TGFB3: variants seen among roughly 807,000 people sequenced by gnomAD.
TGFB3 encodes transforming growth factor beta-3 proprotein.
TGFB3 carries 5 observed loss-of-function variants against 40.1 expected under a neutral mutation model. The ratio of observed to expected loss-of-function variants is 0.12; its 90% CI spans 0.07 to 0.26. The LOEUF (loss-of-function observed/expected upper bound fraction) is 0.26. Ranked by LOEUF, TGFB3 falls within the 10% of genes least tolerant of loss-of-function variation. The pLI is 1.00. For synonymous variants in TGFB3, 184 were observed against 205.6 expected, an observed-to-expected ratio of 0.89 and a Z score of 0.90; for missense variants, 373 against 530.1, an observed-to-expected ratio of 0.70 and a Z score of 2.91.
Position 75,980,138 on chromosome 14 carries a change from CTG to C in TGFB3, c.352+402_352+403del, listed in dbSNP as rs1015218126. Among the ~76,000 whole-genome samples the C allele has an allele frequency of 3.3e-5, 5 of 152,238 alleles. No individual in the cohort carries two copies. The highest frequency in any genetic ancestry group is 9.6e-5 in the African/African-American group (4 of 41,460). ...GCAGGGAGAAGATGAGGTCTCCACA[CTG>C]AGAACCGTAAGGGCTCCTGACAGAG... On this transcript the variant is annotated intron_variant, in intron 1 of 6. Transcript: ENST00000238682. This position sits in a 1 kb window ranked among gnomAD's most constrained non-coding sequence, Gnocchi z 4.3.
rs925224125 is a variant in TGFB3, at chr14:75,971,607, C to T, written c.464G>A (p.Arg155Gln). 3.7e-6 allele frequency: 6 copies of T among 1,614,190 alleles called. No individual in the cohort carries two copies. The highest frequency in any genetic ancestry group is 1.7e-5 in the Admixed American group (1 of 60,024). ...CCGCTTAGAGCTGGGGTTGGGCACCCGCAAGACCCGGAATTCTGCTCGGAA... is the reference window on the plus strand; with the variant it reads ...CCGCTTAGAGCTGGGGTTGGGCACCTGCAAGACCCGGAATTCTGCTCGGAA... ...NLFRAEFRVLRVPNPSSKRNE... is the reference protein window; with the variant it reads ...NLFRAEFRVLQVPNPSSKRNE... The change falls in exon 2 of 7, where the codon CGG becomes CAG. Residue 155 changes from arginine to glutamine, a missense_variant. By Grantham distance (43) the Arg-to-Gln change is conservative. Coordinates refer to ENST00000238682, the MANE Select transcript of TGFB3 (RefSeq NM_003239.5). This position sits in a 1 kb window ranked among gnomAD's most constrained non-coding sequence, Gnocchi z 4.5.
intron 1 of TGFB3, among the ~76,000 whole-genome samples, chr14:75,974,462 G>C (rs774194102): frequency 5.9e-5 from 9 of 152,248 alleles, no homozygotes; most frequent in African/African-American, 1.7e-4. Flanking sequence ...AGAAATGGCT[G>C]TCTAGAGGGT....
intron 4 of TGFB3, among the ~76,000 whole-genome samples, chr14:75,965,123 A>G (rs2035206276): frequency 1.3e-5 from 2 of 152,240 alleles, no homozygotes; most frequent in African/African-American, 4.8e-5. Context: ...GGGCAAGGTC[A>G]GGTAGGCCCT....
intron 3 of TGFB3, chr14:75,966,325 A>G (rs2035221208): frequency 6.0e-6 from 1 of 166,676 alleles, no homozygotes; most frequent in Non-Finnish European, 1.3e-5. Context: ...AGATGCAAGC[A>G]TTTCTACCAG....
rs2035421498 is a variant in TGFB3 at position 75,980,897 on chromosome 14, T to C, written c.-4A>G. 6.2e-7 allele frequency: 1 copy of C among 1,613,642 alleles called. No homozygotes were observed. Among genetic ancestry groups the C allele is most frequent in the African/African-American group, 1.3e-5 (1 of 74,864 alleles). On this transcript the variant is annotated 5_prime_UTR_variant, in exon 1 of 7. Transcript: ENST00000238682. The surrounding 1 kb of genome is among the most constrained non-coding windows in gnomAD (Gnocchi z 4.3). ...CCCTTTGCAAGTGCATCTTCATGTG[T>C]GAGCTGGGAAGAGAGGCCAGGGGGA...
rs2035397924 is a variant in TGFB3, at chr14:75,979,673, G to A, written c.352+869C>T. On this transcript the variant is annotated intron_variant, in intron 1 of 6. Coordinates refer to ENST00000238682, the MANE Select transcript of TGFB3 (RefSeq NM_003239.5). The surrounding 1 kb of genome is among the most constrained non-coding windows in gnomAD (Gnocchi z 4.8). ...CTCCTCCATGCAGACAGAGCCTCCT[G>A]GGACGGCAGGCTCCCAGACATATCC... Among the ~76,000 whole-genome samples the A allele has an allele frequency of 6.6e-6, 1 of 151,820 alleles. No individual in the cohort carries two copies. Among genetic ancestry groups the A allele is most frequent in the South Asian group, 2.1e-4 (1 of 4,814 alleles).
chr14:75,965,366 G>A (rs1595340325), intron 4 of TGFB3, among the ~76,000 whole-genome samples: 1 of 152,214 alleles, frequency 6.6e-6, no homozygotes, highest in Admixed American at 6.5e-5. Context: ...TTACCAGTAC[G>A]TGTTGTCTTC....
chr14:75,968,566 G>A (rs903076239), intron 3 of TGFB3, among the ~76,000 whole-genome samples: 2 of 152,174 alleles, frequency 1.3e-5, no homozygotes, highest in Non-Finnish European at 2.9e-5. Flanking sequence ...AGGTGGAGCT[G>A]ATCAAAATCA....
chr14:75,982,138 C>T (rs1228115610), upstream of TGFB3, among the ~76,000 whole-genome samples: 3 of 152,364 alleles, frequency 2.0e-5, no homozygotes, highest in African/African-American at 7.2e-5. This position sits in a 1 kb window ranked among gnomAD's most constrained non-coding sequence, Gnocchi z 4.0. Flanking sequence ...AAGCCGAGCC[C>T]TTTTGAAAAA....
Position 75,980,694 on chromosome 14 carries a change from T to C in TGFB3, c.200A>G (p.Tyr67Cys), listed in dbSNP as rs759038232. 1.2e-6 allele frequency: 2 copies of C among 1,614,186 alleles called. No individual in the cohort carries two copies. The highest frequency in any genetic ancestry group is 1.7e-6 in the Non-Finnish European group (2 of 1,180,028). Residue 67 changes from tyrosine to cysteine, a missense_variant, in exon 1 of 7, where the codon TAT becomes TGT. By Grantham distance (194) the Tyr-to-Cys change is radical. Coordinates refer to ENST00000238682, the MANE Select transcript of TGFB3 (RefSeq NM_003239.5). This position sits in a 1 kb window ranked among gnomAD's most constrained non-coding sequence, Gnocchi z 4.3. ...GCTGTTGTAAAGGGCCAGGACCTGA[T>C]AGGGGACGTGGGTCATCACCGTTGG... Reference protein sequence around the residue: ...PEPTVMTHVPYQVLALYNSTR... With the variant: ...PEPTVMTHVPCQVLALYNSTR...
At chr14:75,969,894 C>G (rs567419427) in intron 3 of TGFB3, among the ~76,000 whole-genome samples, 3 of 152,302 alleles carry the variant, frequency 2.0e-5, no homozygotes, top group African/African-American at 7.2e-5. Context: ...TCCATCTGAT[C>G]GTCATATCCA....
intron 4 of TGFB3, 119 bp from the exon 5 acceptor site, chr14:75,963,606 G>A (rs2035186660): frequency 8.2e-7 from 1 of 1,225,880 alleles, no homozygotes; most frequent in Admixed American, 1.7e-5. Context: ...CTGCGAGGGA[G>A]GTGTGGGGGA....
Position 75,978,585 on chromosome 14 carries a change from T to C in TGFB3, c.352+1957A>G, listed in dbSNP as rs1466941080. On this transcript the variant is annotated intron_variant, in intron 1 of 6. Coordinates refer to ENST00000238682, the MANE Select transcript of TGFB3 (RefSeq NM_003239.5). This position sits in a 1 kb window ranked among gnomAD's most constrained non-coding sequence, Gnocchi z 5.0. ...ACAGCATCCTGCTCACTGTGCTGGG[T>C]TGCCCCAGGCCAGACCATTGCTCCA... Among the ~76,000 whole-genome samples, 1 of 152,216 alleles carries C rather than the reference T, an allele frequency of 6.6e-6. No individual in the cohort carries two copies. Among genetic ancestry groups the C allele is most frequent in the African/African-American group, 2.4e-5 (1 of 41,454 alleles).
In TGFB3 at chr14:75,979,773, C is replaced by T. The variant is rs993860164; in HGVS notation, c.352+769G>A. On this transcript the variant is annotated intron_variant, in intron 1 of 6. Coordinates refer to ENST00000238682, the MANE Select transcript of TGFB3 (RefSeq NM_003239.5). This position sits in a 1 kb window ranked among gnomAD's most constrained non-coding sequence, Gnocchi z 4.8. ...ACACGCAGACACAAAGGGCGCCAGCCTCCTCTACGCATCCACAGCCAAAAC... is the reference window on the plus strand; with the variant it reads ...ACACGCAGACACAAAGGGCGCCAGCTTCCTCTACGCATCCACAGCCAAAAC... Among the ~76,000 whole-genome samples the T allele has an allele frequency of 6.6e-6, 1 of 151,930 alleles. No individual in the cohort carries two copies. The highest frequency in any genetic ancestry group is 6.5e-5 in the Admixed American group (1 of 15,270).
rs562497615 is a variant in TGFB3, at chr14:75,979,677, C to T, written c.352+865G>A. ...TCCATGCAGACAGAGCCTCCTGGGACGGCAGGCTCCCAGACATATCCCCCC... is the reference window on the plus strand; with the variant it reads ...TCCATGCAGACAGAGCCTCCTGGGATGGCAGGCTCCCAGACATATCCCCCC... On this transcript the variant is annotated intron_variant, in intron 1 of 6. Transcript: ENST00000238682. This position sits in a 1 kb window ranked among gnomAD's most constrained non-coding sequence, Gnocchi z 4.8. Among the ~76,000 whole-genome samples, 6 of 151,742 alleles carry T rather than the reference C, an allele frequency of 4.0e-5. No homozygotes were observed. The highest frequency in any genetic ancestry group is 2.1e-4 in the South Asian group (1 of 4,798).
rs187853985 is a variant in TGFB3, at chr14:75,972,591, G to C, written c.353-873C>G. 2.0e-3 allele frequency among the ~76,000 whole-genome samples: 297 copies of C among 152,302 alleles called. 1 individual carries two copies. Among genetic ancestry groups the C allele is most frequent in the Admixed American group, 6.4e-3 (98 of 15,298 alleles). ...GGGGTGAAAATTGAGAGGATTTGAG[G>C]ATGGGGAGGAAAGAAATGTTACATG... On this transcript the variant is annotated intron_variant, in intron 1 of 6. Transcript: ENST00000238682.
At position 75,971,303 on chromosome 14, in the gene TGFB3, C is replaced by T. The variant is rs1397682945; in HGVS notation, c.517-48G>A. The T allele has an allele frequency of 6.2e-7, 1 of 1,613,386 alleles. No homozygotes were observed. The highest frequency in any genetic ancestry group is 2.2e-5 in the East Asian group (1 of 44,864). On this transcript the variant is annotated intron_variant, in intron 2 of 6. Transcript: ENST00000238682. This position sits in a 1 kb window ranked among gnomAD's most constrained non-coding sequence, Gnocchi z 4.5. ...AGTACCCGAGACCAGGACAGAGTGC[C>T]CCAGAAGATGTCACAATGCAGAGCA...
chr14:75,970,883 G>C (rs1566682285), intron 3 of TGFB3: 1 of 488,840 alleles, frequency 2.0e-6, no homozygotes, highest in Non-Finnish European at 3.7e-6. Context: ...CCCACTCATT[G>C]TCACATTGCC....
At chr14:75,959,967 G>A (rs1303595730) in intron 6 of TGFB3, among the ~76,000 whole-genome samples, 8 of 92,430 alleles carry the variant, frequency 8.7e-5, no homozygotes, top group Non-Finnish European at 1.2e-4. Flanking sequence ...TTTTGAGTCA[G>A]AGTCTCACTC....
Sources: gnomAD v4.1 joint callset for allele counts (sites outside exome capture counted in the v4.1 genomes callset) on GRCh38, gnomAD v4.1.1 for gene constraint, Gnocchi (gnomAD v3.1) non-coding constraint, MANE v1.5 for transcripts, NCBI Gene and HGNC (gene_info 2026-07-23, HGNC 2026-07-21) for gene names.